Variants in CCDC141 observed in about 807,000 individuals in gnomAD.
CCDC141 encodes the protein coiled-coil domain containing 141.
CCDC141 carries 168 observed loss-of-function variants against 181.0 expected under a neutral mutation model. The observed-to-expected ratio is 0.93, with a 90% confidence interval of 0.82 to 1.05. CCDC141 has a LOEUF of 1.05. Among genes scored for constraint, CCDC141 ranks in the 50% least tolerant of loss-of-function variants. CCDC141 has a pLI of 0.00. For synonymous variants in CCDC141, 666 were observed against 642.3 expected (o/e 1.04, Z -0.56); for missense variants, 1,902 against 1,788.5 (o/e 1.06, Z -1.14).
At chr2:178,971,842 A>G (rs1465262427) in intron 4 of CCDC141, among the ~76,000 whole-genome samples, 3 of 152,068 alleles carry the variant, frequency 2.0e-5, no homozygotes, top group African/African-American at 7.2e-5. Context: ...ACCAAACACC[A>G]CATCTTCTCA....
intron 2 of CCDC141, among the ~76,000 whole-genome samples, chr2:178,979,425 G>T (rs1284323769): frequency 6.6e-6 from 1 of 151,918 alleles, no homozygotes; most frequent in Non-Finnish European, 1.5e-5. Context: ...GAAAACAAAA[G>T]AAATAAGAGC....
At chr2:178,841,049 T>C (rs1271180939) in intron 22 of CCDC141, among the ~76,000 whole-genome samples, 2 of 152,234 alleles carry the variant, frequency 1.3e-5, no homozygotes, top group African/African-American at 2.4e-5. Context: ...GTGATTGTAT[T>C]AGTTCATTTT....
intron 2 of CCDC141, chr2:179,002,492 C>T: frequency 2.4e-6 from 1 of 408,750 alleles, no homozygotes; most frequent in South Asian, 1.8e-5. Flanking sequence ...TTTTCAATCT[C>T]TCTAAAAAAA....
chr2:178,997,407 A>G (rs1244769347), intron 2 of CCDC141, among the ~76,000 whole-genome samples: 2 of 152,074 alleles, frequency 1.3e-5, no homozygotes, highest in African/African-American at 2.4e-5. Flanking sequence ...AGCAGTATGT[A>G]TCAGTTAGTC....
At chr2:178,882,992 G>T (rs1414598949) in intron 11 of CCDC141, among the ~76,000 whole-genome samples, 1 of 152,154 alleles carries the variant, frequency 6.6e-6, no homozygotes, top group African/African-American at 2.4e-5. Flanking sequence ...GGAAGACTCT[G>T]CCAGGTAGGA....
chr2:178,911,435 T>C (rs889990620), intron 7 of CCDC141, among the ~76,000 whole-genome samples: 9 of 152,218 alleles, frequency 5.9e-5, no homozygotes, highest in Middle Eastern at 3.2e-3. Context: ...ATCAGATTCA[T>C]ACTCAGGCAT....
chr2:178,931,311 C>G (rs1689086977), intron 6 of CCDC141, among the ~76,000 whole-genome samples: 1 of 152,038 alleles, frequency 6.6e-6, no homozygotes, highest in African/African-American at 2.4e-5. Context: ...TCTAGCAATT[C>G]TACTCCTAGG....
rs192043922 is a variant in CCDC141 at position 178,921,016 on chromosome 2, C to T, written c.898-2109G>A. On this transcript the variant is annotated intron_variant, in intron 6 of 23. Transcript: ENST00000443758. Reference sequence around the variant, plus strand: ...CAGAAGAGTATGCTACTCAAGGTTACGTATCCAGTAAGAGGCAGTACCAGG... The same window carrying T: ...CAGAAGAGTATGCTACTCAAGGTTATGTATCCAGTAAGAGGCAGTACCAGG... Among the ~76,000 whole-genome samples the T allele has an allele frequency of 2.4e-3, 366 of 152,184 alleles. 4 individuals carry two copies. Among genetic ancestry groups the T allele is most frequent in the Non-Finnish European group, 3.9e-3 (266 of 68,008 alleles).
intron 17 of CCDC141, among the ~76,000 whole-genome samples, chr2:178,865,367 G>T (rs971029237): frequency 6.6e-6 from 1 of 152,164 alleles, no homozygotes; most frequent in Non-Finnish European, 1.5e-5. Flanking sequence ...GGCTGGAGTT[G>T]GCTGCAACGA....
chr2:178,856,428 T>C (rs780727065), intron 17 of CCDC141, 31 bp from the exon 18 acceptor site: 2 of 1,486,006 alleles, frequency 1.3e-6, no homozygotes, highest in Non-Finnish European at 1.8e-6. Context: ...ATAGGTGGTT[T>C]CCTTAAAATG....
chr2:179,015,095 T>TATAC (rs2042410135), intron 2 of CCDC141, among the ~76,000 whole-genome samples: 3 of 34,780 alleles, frequency 8.6e-5, no homozygotes, highest in Admixed American at 6.8e-4. Context: ...TATATATATA[T>TATAC]ATATATATAA....
At chr2:179,006,272 T>G (rs2042121400) in intron 2 of CCDC141, among the ~76,000 whole-genome samples, 1 of 151,918 alleles carries the variant, frequency 6.6e-6, no homozygotes. Flanking sequence ...TACACGGGGG[T>G]GGGGAGGAGA....
At chr2:178,970,856 T>A (rs1424645889) in intron 4 of CCDC141, among the ~76,000 whole-genome samples, 2 of 152,196 alleles carry the variant, frequency 1.3e-5, no homozygotes, top group Non-Finnish European at 2.9e-5. Flanking sequence ...AGAAAATGTT[T>A]GCAATCTATC....
intron 18 of CCDC141, 133 bp from the exon 19 acceptor site, chr2:178,855,674 A>G (rs921088142): frequency 3.1e-5 from 17 of 552,462 alleles, no homozygotes; most frequent in Non-Finnish European, 4.7e-5. Context: ...ATTATTACAA[A>G]TATATTATGG....
chr2:178,899,048 T>G (rs1687552312), intron 8 of CCDC141, among the ~76,000 whole-genome samples: 1 of 152,084 alleles, frequency 6.6e-6, no homozygotes, highest in Non-Finnish European at 1.5e-5. Context: ...AAAGTACAGT[T>G]ATACACTGTA....
At chr2:179,018,168 A>AC (rs1427152691) in intron 2 of CCDC141, among the ~76,000 whole-genome samples, 1 of 152,108 alleles carries the variant, frequency 6.6e-6, no homozygotes. Context: ...TAGACGTTGC[A>AC]CCACCTCAAC....
chr2:178,967,385 G>A (rs1006715583), intron 4 of CCDC141, among the ~76,000 whole-genome samples: 13 of 151,926 alleles, frequency 8.6e-5, no homozygotes, highest in South Asian at 6.2e-4. Context: ...GACTAACAGC[G>A]GATCTCTCTG....
At chr2:178,948,755 C>T (rs890019628) in intron 5 of CCDC141, among the ~76,000 whole-genome samples, 3 of 152,160 alleles carry the variant, frequency 2.0e-5, no homozygotes, top group Non-Finnish European at 4.4e-5. Context: ...AGTGTCTCCA[C>T]GTGTTCTCTT....
chr2:179,041,158 G>A (rs932147704), intron 2 of CCDC141, among the ~76,000 whole-genome samples: 2 of 151,884 alleles, frequency 1.3e-5, no homozygotes, highest in Non-Finnish European at 2.9e-5. Flanking sequence ...TGCAAGCTCC[G>A]CCTCCTGGGT....
Sources: allele counts gnomAD v4.1 joint callset (sites outside exome capture counted in the v4.1 genomes callset), GRCh38; gene constraint gnomAD v4.1.1; transcripts MANE v1.5; gene names NCBI Gene and HGNC (gene_info 2026-07-23, HGNC 2026-07-21).